The following DOCK3 variants were observed in gnomAD, a reference collection of about 807,000 sequenced individuals.
The protein encoded by DOCK3 is dedicator of cytokinesis protein 3.
DOCK3 carries 60 observed loss-of-function variants against 265.6 expected under a neutral mutation model. The observed-to-expected ratio is 0.23, with a 90% confidence interval of 0.18 to 0.28. The LOEUF is 0.28. DOCK3 is among the 10% of genes least tolerant of loss of function. The pLI is 1.00. For synonymous variants in DOCK3, 881 were observed against 938.0 expected, an observed-to-expected ratio of 0.94 and a Z score of 1.11; for missense variants, 1,981 against 2,594.3, an observed-to-expected ratio of 0.76 and a Z score of 5.14.
At chr3:51,069,526 ATG>A (rs2081759967) in intron 6 of DOCK3, among the ~76,000 whole-genome samples, 3 of 151,660 alleles carry the variant, frequency 2.0e-5, no homozygotes, top group African/African-American at 7.3e-5. Context: ...AATCATACAT[ATG>A]TGTGTGTATA....
intron 27 of DOCK3, among the ~76,000 whole-genome samples, chr3:51,281,051 A>G (rs1165688633): frequency 6.6e-6 from 1 of 151,982 alleles, no homozygotes; most frequent in Non-Finnish European, 1.5e-5. Context: ...CATTTTCCCA[A>G]TGTAGTTTTC....
chr3:51,381,446 C>T lies in DOCK3; in HGVS notation c.5980C>T (p.Arg1994Cys), dbSNP rs782029845. Residue 1994 changes from arginine (R) to cysteine (C), a missense_variant, in exon 53 of 53, where the codon CGT becomes TGT. Transcript: ENST00000266037. This position sits in a 1 kb window ranked among gnomAD's most constrained non-coding sequence, Gnocchi z 5.6. ...GGAGCACGATGAGGGGGTGCTGCTG[C>T]GTGAAGAGACTGAGAGGCCTCGAGG... ...ALEHDEGVLL[R>C]EETERPRGLH... 8.1e-6 allele frequency: 13 copies of T among 1,607,750 alleles called. No individual in the cohort carries two copies. The highest frequency in any genetic ancestry group is 1.1e-5 in the South Asian group (1 of 90,482).
chr3:51,012,944 A>G (rs1360924956), intron 5 of DOCK3, among the ~76,000 whole-genome samples: 7 of 152,100 alleles, frequency 4.6e-5, no homozygotes, highest in Admixed American at 4.6e-4. Context: ...CGAATCAGCT[A>G]CTGAAGCTTG....
At chr3:51,366,140 TATTA>T (rs1244492497) in intron 49 of DOCK3, among the ~76,000 whole-genome samples, 1 of 152,238 alleles carries the variant, frequency 6.6e-6, no homozygotes, top group Non-Finnish European at 1.5e-5. Flanking sequence ...GTTGGGAGGC[TATTA>T]ATTATTGCCT....
chr3:51,049,196 C>T (rs183297008), intron 5 of DOCK3, among the ~76,000 whole-genome samples: 2 of 152,130 alleles, frequency 1.3e-5, no homozygotes, highest in East Asian at 3.9e-4. Context: ...CATGGTGATG[C>T]ATGCGTGTAG....
chr3:51,256,472 T>C (rs1172297367), intron 22 of DOCK3, among the ~76,000 whole-genome samples: 4 of 152,094 alleles, frequency 2.6e-5, no homozygotes, highest in African/African-American at 9.7e-5. Flanking sequence ...GGTTTCACCA[T>C]ATTGGCCAGG....
chr3:51,159,232 T>C lies in DOCK3; in HGVS notation c.829-12T>C. 6.2e-7 allele frequency: 1 copy of C among 1,612,660 alleles called. No individual in the cohort carries two copies. The highest frequency in any genetic ancestry group is 8.5e-7 in the Non-Finnish European group (1 of 1,179,046). On this transcript the variant is annotated splice_polypyrimidine_tract_variant and intron_variant, in intron 10 of 52. Coordinates refer to ENST00000266037, the MANE Select transcript of DOCK3 (RefSeq NM_004947.5). The stretch of plus-strand genomic sequence containing the variant: ...GTATTCCTTGCCTGAATTTACTTAT[T>C]TTTTCTCTTAGGATCTGAGCAGCAA...
chr3:51,181,497 A>G (rs541487460), intron 12 of DOCK3, among the ~76,000 whole-genome samples: 11 of 152,166 alleles, frequency 7.2e-5, no homozygotes, highest in African/African-American at 2.4e-4. Flanking sequence ...ATGGTATTCC[A>G]TGGTGTATAT....
At position 51,014,902 on chromosome 3, in the gene DOCK3, T is replaced by C. The variant is rs546834635; in HGVS notation, c.316-49546T>C. Among the ~76,000 whole-genome samples, 7 of 152,278 alleles carry C rather than the reference T, an allele frequency of 4.6e-5. No individual in the cohort carries two copies. In the South Asian group the frequency reaches 1.2e-3, roughly 27 times the overall value. On this transcript the variant is annotated intron_variant, in intron 5 of 52. Transcript: ENST00000266037. ...TTCTAGGTATTTAATTTGTAGGTAC[T>C]GTAAATGGGATTATTTTCTTGATTT...
Position 51,228,824 on chromosome 3 carries a change from C to T in DOCK3, c.1811C>T (p.Thr604Ile), listed in dbSNP as rs2090433980. 3 of 1,613,708 alleles carry T rather than the reference C, an allele frequency of 1.9e-6. No homozygotes were observed. The African/African-American group carries it at 4.0e-5, about 22-fold the overall frequency. Residue 604 changes from threonine to isoleucine, a missense_variant, in exon 18 of 53, where the codon ACC becomes ATC. By Grantham distance (89) the Thr-to-Ile change is moderately conservative. This residue lies in a region of DOCK3 where 1,357 missense variants were observed against 1,866.8 expected (regional missense o/e 0.73). Coordinates refer to ENST00000266037, the MANE Select transcript of DOCK3 (RefSeq NM_004947.5). ...ACTCAGCTCTCCTCTACCAAACTCA[C>T]CCAGAATGGTAGGTGATAATGCCTG... ...ISTQLSSTKL[T>I]QNVDLLALLK... is the part of the protein sequence containing the mutation.
chr3:51,070,967 C>T (rs1347136830), intron 6 of DOCK3, among the ~76,000 whole-genome samples: 3 of 152,198 alleles, frequency 2.0e-5, no homozygotes, highest in Non-Finnish European at 4.4e-5. Flanking sequence ...ACCCTCCCCC[C>T]GATCCGTGGA....
At chr3:51,348,607 A>G (rs1052594719) in intron 38 of DOCK3, among the ~76,000 whole-genome samples, 3 of 152,220 alleles carry the variant, frequency 2.0e-5, no homozygotes, top group South Asian at 2.1e-4. Flanking sequence ...GTTCTTGACA[A>G]AGCAGTCAGG....
At chr3:51,054,810 G>T (rs929935213) in intron 5 of DOCK3, among the ~76,000 whole-genome samples, 1 of 151,942 alleles carries the variant, frequency 6.6e-6, no homozygotes, top group Non-Finnish European at 1.5e-5. Flanking sequence ...CCTTTATTAT[G>T]CCCTATTCTT....
chr3:50,963,634 A>G (rs1486215801), intron 5 of DOCK3, among the ~76,000 whole-genome samples: 4 of 152,232 alleles, frequency 2.6e-5, no homozygotes, highest in African/African-American at 9.6e-5. Flanking sequence ...CATCACAGAT[A>G]AAATATACTA....
At chr3:50,928,151 ATAT>A (rs1559826266) in intron 4 of DOCK3, among the ~76,000 whole-genome samples, 166 of 141,236 alleles carry the variant, frequency 1.2e-3, no homozygotes, top group African/African-American at 3.5e-3. Context: ...ATATATATAT[ATAT>A]AATAAAGTTT....
At chr3:51,183,165 T>C (rs1421512759) in intron 12 of DOCK3, among the ~76,000 whole-genome samples, 1 of 152,244 alleles carries the variant, frequency 6.6e-6, no homozygotes, top group African/African-American at 2.4e-5. Context: ...GAGTATTGAT[T>C]AGACATTGAT....
chr3:51,271,770 G>A (rs993461487), intron 24 of DOCK3, among the ~76,000 whole-genome samples: 1 of 150,374 alleles, frequency 6.7e-6, no homozygotes, highest in Non-Finnish European at 1.5e-5. Flanking sequence ...AGAATTGCTC[G>A]AACCCAGGAG....
rs772361487 is a variant in DOCK3 at position 51,277,659 on chromosome 3, G to A, written c.2728G>A (p.Val910Met). The A allele has an allele frequency of 8.8e-6, 14 of 1,596,380 alleles. No homozygotes were observed. The highest frequency in any genetic ancestry group is 2.2e-5 in the South Asian group (2 of 89,120). The change falls in exon 26 of 53, where the codon GTG becomes ATG. Residue 910 changes from valine to methionine, a missense_variant. Coordinates refer to ENST00000266037, the MANE Select transcript of DOCK3 (RefSeq NM_004947.5). ...GATGATGGTGGAGAGCCTCCTGGAC[G>A]TGCTCTTGCAGACTCTGCTCACCAT... Reference protein sequence around the residue: ...VEMMVESLLDVLLQTLLTIMS... With the variant: ...VEMMVESLLDMLLQTLLTIMS...
At chr3:51,315,972 C>T (rs1198429867) in intron 32 of DOCK3, among the ~76,000 whole-genome samples, 1 of 152,040 alleles carries the variant, frequency 6.6e-6, no homozygotes, top group Non-Finnish European at 1.5e-5. Context: ...GAGAAGTAGA[C>T]CAGGCAAACA....
Sources: gnomAD v4.1 joint callset for allele counts (sites outside exome capture counted in the v4.1 genomes callset) on GRCh38, gnomAD v4.1.1 for gene constraint, gnomAD v4.1.1 regional missense constraint, Gnocchi (gnomAD v3.1) non-coding constraint, MANE v1.5 for transcripts, NCBI Gene and HGNC (gene_info 2026-07-23, HGNC 2026-07-21) for gene names.